PRKG1: variants seen among roughly 807,000 people sequenced by gnomAD.
PRKG1 encodes cGMP-dependent protein kinase 1.
A neutral mutation model predicts 88.1 loss-of-function variants in PRKG1; 35 were observed. The ratio of observed to expected loss-of-function variants is 0.40; its 90% confidence interval spans 0.30 to 0.53. The LOEUF (loss-of-function observed/expected upper bound fraction) is 0.53. Ranked by LOEUF, PRKG1 falls within the 20% of genes least tolerant of loss-of-function variation. The pLI is 0.59. For missense variants in PRKG1, 540 were observed against 839.8 expected, an observed-to-expected ratio of 0.64 and a Z score of 4.41; for synonymous variants, 303 against 292.5, an observed-to-expected ratio of 1.04 and a Z score of -0.37.
chr10:51,533,801 G>A (rs571772627), intron 3 of PRKG1, among the ~76,000 whole-genome samples: 1 of 152,290 alleles, frequency 6.6e-6, no homozygotes, highest in East Asian at 1.9e-4. Context: ...AGAGCTTCCA[G>A]TTGTGGGTGA....
intron 2 of PRKG1, among the ~76,000 whole-genome samples, chr10:51,452,224 A>C (rs1839457447): frequency 6.6e-6 from 1 of 151,946 alleles, no homozygotes; most frequent in Non-Finnish European, 1.5e-5. Flanking sequence ...TCTCCTAGTC[A>C]TAGGGAACTC....
intron 2 of PRKG1, among the ~76,000 whole-genome samples, chr10:51,238,454 G>T (rs576605208): frequency 1.3e-5 from 2 of 152,112 alleles, no homozygotes; most frequent in African/African-American, 2.4e-5. Flanking sequence ...GTGGTGGCGG[G>T]CCCCGTTATC....
intron 1 of PRKG1, among the ~76,000 whole-genome samples, chr10:51,089,112 A>G (rs1589144141): frequency 6.6e-6 from 1 of 152,166 alleles, no homozygotes; most frequent in African/African-American, 2.4e-5. Context: ...GATTGGGATT[A>G]CAGTCATGAA....
chr10:51,968,854 A>G (rs1328086626), intron 5 of PRKG1, among the ~76,000 whole-genome samples: 2 of 151,396 alleles, frequency 1.3e-5, no homozygotes, highest in African/African-American at 2.4e-5. Flanking sequence ...AGAAAAAAAT[A>G]GTAATAATTA....
chr10:51,268,822 T>A (rs1295721419), intron 2 of PRKG1, among the ~76,000 whole-genome samples: 1 of 152,200 alleles, frequency 6.6e-6, no homozygotes, highest in Admixed American at 6.5e-5. Flanking sequence ...GTGATAGTTG[T>A]CCATGAAATC....
At chr10:52,006,399 C>T (rs781652999) in intron 5 of PRKG1, among the ~76,000 whole-genome samples, 1 of 152,036 alleles carries the variant, frequency 6.6e-6, no homozygotes, top group Non-Finnish European at 1.5e-5. Flanking sequence ...TAAAATGATA[C>T]AGGAGCTGAT....
At position 51,126,091 on chromosome 10, in the gene PRKG1, TA is replaced by T. The variant is rs1337427168; in HGVS notation, c.312-27071del. Among the ~76,000 whole-genome samples the T allele has an allele frequency of 7.3e-4, 86 of 117,794 alleles. 1 individual carries two copies. Among genetic ancestry groups the T allele is most frequent in the African/African-American group, 2.7e-3 (81 of 29,462 alleles). The allele number at this position is 117,794 out of a possible 152,430, so 77.3% of individuals were successfully genotyped here. A position where few individuals can be genotyped will look rare whatever the true frequency, so the allele number is the denominator to read the frequency against. On this transcript the variant is annotated intron_variant, in intron 1 of 17. Coordinates refer to ENST00000373980, the MANE Select transcript of PRKG1 (RefSeq NM_006258.4). Reference sequence around the variant, plus strand: ...TACTACATATAATTATATAATTATATAATAATATACTATATATAATTATATA... The same window carrying T: ...TACTACATATAATTATATAATTATATATAATATACTATATATAATTATATA...
intron 3 of PRKG1, among the ~76,000 whole-genome samples, chr10:51,772,654 T>C (rs1838334946): frequency 6.6e-6 from 1 of 152,106 alleles, no homozygotes; most frequent in Non-Finnish European, 1.5e-5. Context: ...AGAGAATCTG[T>C]ATTATGTTTG....
At chr10:51,061,517 C>T (rs887918704) in intron 1 of PRKG1, among the ~76,000 whole-genome samples, 1 of 152,120 alleles carries the variant, frequency 6.6e-6, no homozygotes, top group African/African-American at 2.4e-5. Context: ...TAGTTTTTAT[C>T]AGTTTTGGAA....
chr10:52,251,544 C>A (rs1320744384), intron 9 of PRKG1, 26 bp from the exon 10 acceptor site: 1 of 1,594,166 alleles, frequency 6.3e-7, no homozygotes, highest in African/African-American at 1.3e-5. Context: ...TAAGAAATTT[C>A]CATTTTTTCA....
At chr10:51,826,392 T>C (rs1170366861) in intron 4 of PRKG1, among the ~76,000 whole-genome samples, 1 of 152,192 alleles carries the variant, frequency 6.6e-6, no homozygotes, top group Non-Finnish European at 1.5e-5. Flanking sequence ...TTTGTTTAGC[T>C]ACTCCCTCTG....
At chr10:51,197,402 G>A (rs77326208) in intron 2 of PRKG1, among the ~76,000 whole-genome samples, 8,056 of 151,870 alleles carry the variant, frequency 0.053, 395 homozygotes, top group African/African-American at 0.13. Context: ...CCTCCCAAGT[G>A]GCTGGGACTA....
chr10:52,141,627 A>G (rs1837583867), intron 8 of PRKG1, among the ~76,000 whole-genome samples: 1 of 152,190 alleles, frequency 6.6e-6, no homozygotes, highest in Admixed American at 6.6e-5. Context: ...TTAAGCCACA[A>G]ACTTACAAAG....
chr10:51,704,323 CA>C (rs1275893663), intron 3 of PRKG1, among the ~76,000 whole-genome samples: 6 of 152,068 alleles, frequency 3.9e-5, no homozygotes, highest in African/African-American at 1.4e-4. Flanking sequence ...GAGCTCAGCA[CA>C]GGTGGATGTT....
chr10:51,574,873 T>G (rs7909603), intron 3 of PRKG1, among the ~76,000 whole-genome samples: 21,657 of 151,926 alleles, frequency 0.14, 1,665 homozygotes, highest in African/African-American at 0.2. Flanking sequence ...CCTATGTGTG[T>G]CTATATTTGG....
chr10:51,132,953 A>G (rs1845607317), intron 1 of PRKG1, among the ~76,000 whole-genome samples: 1 of 152,084 alleles, frequency 6.6e-6, no homozygotes, highest in Non-Finnish European at 1.5e-5. Flanking sequence ...AAAAATGCAT[A>G]TGGTCGAGTA....
chr10:51,291,396 T>A (rs969347604), intron 2 of PRKG1, among the ~76,000 whole-genome samples: 1 of 152,112 alleles, frequency 6.6e-6, no homozygotes, highest in South Asian at 2.1e-4. Flanking sequence ...TCTTCTTTTC[T>A]CATTTATCTC....
intron 1 of PRKG1, among the ~76,000 whole-genome samples, chr10:51,066,442 A>G (rs1843750462): frequency 6.6e-6 from 1 of 152,114 alleles, no homozygotes; most frequent in Non-Finnish European, 1.5e-5. Flanking sequence ...AGTAGTTGAC[A>G]GTACTGTTTG....
At chr10:51,643,076 G>A (rs1042270511) in intron 3 of PRKG1, among the ~76,000 whole-genome samples, 8 of 152,014 alleles carry the variant, frequency 5.3e-5, no homozygotes, top group Non-Finnish European at 1.0e-4. Context: ...GATAGACACT[G>A]TGATTTTTTT....
Sources: allele counts gnomAD v4.1 joint callset (sites outside exome capture counted in the v4.1 genomes callset), GRCh38; gene constraint gnomAD v4.1.1; transcripts MANE v1.5; gene names NCBI Gene and HGNC (gene_info 2026-07-23, HGNC 2026-07-21).